The following SLC25A48 variants were observed in gnomAD, a reference collection of about 807,000 sequenced individuals.
The protein encoded by SLC25A48 is CTC-321K16.1.
Under a neutral mutation model 32.2 loss-of-function variants are expected in SLC25A48, and 29 were observed. The ratio of observed to expected loss-of-function variants is 0.90; its 90% confidence interval spans 0.67 to 1.23. The LOEUF is 1.23. Ranked by LOEUF, SLC25A48 falls within the 50% of genes most tolerant of loss-of-function variation. The probability of loss-of-function intolerance (pLI) is 0.00; values close to 1 mark genes in which losing one functional copy is unlikely to be tolerated. For missense variants in SLC25A48, 399 were observed against 422.7 expected, an observed-to-expected ratio of 0.94 and a Z score of 0.49; for synonymous variants, 164 against 172.3, an observed-to-expected ratio of 0.95 and a Z score of 0.38.
intron 3 of SLC25A48, among the ~76,000 whole-genome samples, chr5:135,665,379 G>A (rs1402849389): frequency 6.6e-6 from 1 of 151,944 alleles, no homozygotes; most frequent in Non-Finnish European, 1.5e-5. Flanking sequence ...TGGATTGTCT[G>A]TTTACTCTGA....
At chr5:135,689,289 TTA>T (rs1754090149) in intron 3 of SLC25A48, among the ~76,000 whole-genome samples, 1 of 152,200 alleles carries the variant, frequency 6.6e-6, no homozygotes, top group Non-Finnish European at 1.5e-5. Flanking sequence ...AGGCACTCTC[TTA>T]ACTGTAATCC....
intron 3 of SLC25A48, among the ~76,000 whole-genome samples, chr5:135,691,125 A>C (rs933831282): frequency 6.6e-6 from 1 of 152,254 alleles, no homozygotes; most frequent in Admixed American, 6.5e-5. Context: ...TCACACATTC[A>C]GCGCTTCTCG....
intron 1 of SLC25A48, among the ~76,000 whole-genome samples, chr5:135,618,501 C>G: frequency 6.6e-6 from 1 of 152,054 alleles, no homozygotes; most frequent in Non-Finnish European, 1.5e-5. Flanking sequence ...CTTTCTTTCT[C>G]TCTTATTGTT....
At chr5:135,636,919 C>G (rs185005587) in intron 3 of SLC25A48, among the ~76,000 whole-genome samples, 4 of 152,308 alleles carry the variant, frequency 2.6e-5, no homozygotes, top group African/African-American at 7.2e-5. Context: ...GAGGAACTCC[C>G]CAACTTCTAT....
chr5:135,757,401 C>T (rs540659064), intron 3 of SLC25A48, among the ~76,000 whole-genome samples: 4 of 148,948 alleles, frequency 2.7e-5, no homozygotes, highest in South Asian at 2.2e-4. Flanking sequence ...ATAATGTCTA[C>T]TGTTAACACA....
At chr5:135,859,258 T>C (rs1164672772) in intron 4 of SLC25A48, among the ~76,000 whole-genome samples, 2 of 151,826 alleles carry the variant, frequency 1.3e-5, no homozygotes, top group Non-Finnish European at 2.9e-5. Context: ...TGGCAGAAGG[T>C]GAAGGAGGAG....
intron 1 of SLC25A48, among the ~76,000 whole-genome samples, chr5:135,618,825 C>G (rs1177842467): frequency 6.6e-6 from 1 of 151,098 alleles, no homozygotes; most frequent in Non-Finnish European, 1.5e-5. Context: ...ATATCATTCT[C>G]TCCTGGCCTG....
intron 3 of SLC25A48, among the ~76,000 whole-genome samples, chr5:135,655,686 T>C (rs1035865789): frequency 2.0e-5 from 3 of 152,208 alleles, no homozygotes; most frequent in Non-Finnish European, 4.4e-5. Flanking sequence ...GTGTGATTCA[T>C]AAAGTTTGCA....
Position 135,631,176 on chromosome 5 carries a change from G to A in SLC25A48, c.-709+1800G>A, listed in dbSNP as rs1913767. ...TGATCAAAGGTCAGCTGGGCTGAGC[G>A]TGGGGTTCTCCAGGTAGCATTTTGG... On this transcript the variant is annotated intron_variant, in intron 2 of 10. Transcript: ENST00000646290. 4.4e-3 allele frequency among the ~76,000 whole-genome samples: 664 copies of A among 152,324 alleles called. 3 individuals carry two copies. Among genetic ancestry groups the A allele is most frequent in the African/African-American group, 0.015 (634 of 41,572 alleles).
chr5:135,843,059 G>T (rs1759134449), intron 2 of SLC25A48, among the ~76,000 whole-genome samples: 1 of 152,152 alleles, frequency 6.6e-6, no homozygotes, highest in South Asian at 2.1e-4. Context: ...TCCCCATCTT[G>T]CTCCCTGTAT....
chr5:135,692,039 C>T (rs973533309), intron 3 of SLC25A48, among the ~76,000 whole-genome samples: 5 of 152,060 alleles, frequency 3.3e-5, no homozygotes, highest in South Asian at 2.1e-4. Context: ...GTAGGCAGTC[C>T]GGGCGCGGTG....
intron 3 of SLC25A48, among the ~76,000 whole-genome samples, chr5:135,647,148 G>A (rs1752983450): frequency 6.6e-6 from 1 of 151,928 alleles, no homozygotes; most frequent in South Asian, 2.1e-4. Context: ...CAATTATACT[G>A]TACCTCAATA....
intron 3 of SLC25A48, among the ~76,000 whole-genome samples, chr5:135,794,656 A>G (rs72791352): frequency 2.8e-4 from 41 of 144,146 alleles, no homozygotes; most frequent in African/African-American, 5.0e-4. Context: ...CAGGGGGTGT[A>G]CAACCCCTGT....
rs73789297 is a variant in SLC25A48, at chr5:135,624,344, G to A, written c.-848-4893G>A. On this transcript the variant is annotated intron_variant, in intron 1 of 10. Transcript: ENST00000646290. ...CTAATGGAGAGGCAAAAATATTTTA[G>A]GTTCTATACAAACTTAGAAATGTCA... 9.2e-3 allele frequency among the ~76,000 whole-genome samples: 1,399 copies of A among 152,220 alleles called. 22 individuals carry two copies. Among genetic ancestry groups the A allele is most frequent in the African/African-American group, 0.032 (1,328 of 41,516 alleles).
intron 6 of SLC25A48, among the ~76,000 whole-genome samples, chr5:135,878,929 T>C (rs912114581): frequency 3.7e-4 from 57 of 152,322 alleles, no homozygotes; most frequent in African/African-American, 1.4e-3. Flanking sequence ...TGGGTCATGT[T>C]GTCATTGTTC....
rs1336397533 is a variant in SLC25A48 at position 135,666,081 on chromosome 5, C to G, written c.-521+31125C>G. Reference sequence around the variant, plus strand: ...ATAGCGGTCATCCTGTGCCATGAACCAGTGACAGAGGTGAACTGTCTGTAA... The same window carrying G: ...ATAGCGGTCATCCTGTGCCATGAACGAGTGACAGAGGTGAACTGTCTGTAA... On this transcript the variant is annotated intron_variant, in intron 3 of 10. Coordinates refer to the SLC25A48 transcript ENST00000646290. Among the ~76,000 whole-genome samples, 3 of 152,182 alleles carry G rather than the reference C, an allele frequency of 2.0e-5. No individual in the cohort carries two copies. The East Asian group carries it at 5.8e-4, about 29-fold the overall frequency.
At chr5:135,825,523 G>A (rs1049968141) in intron 4 of SLC25A48, among the ~76,000 whole-genome samples, 3 of 152,164 alleles carry the variant, frequency 2.0e-5, no homozygotes, top group African/African-American at 7.2e-5. Context: ...CTGGGCTGTA[G>A]AGCAGACATG....
chr5:135,614,503 T>C (rs1425987557), intron 1 of SLC25A48, among the ~76,000 whole-genome samples: 2 of 152,220 alleles, frequency 1.3e-5, no homozygotes, highest in Non-Finnish European at 2.9e-5. Flanking sequence ...CAATTCAGTA[T>C]GCTCTTAGCT....
chr5:135,765,468 C>T (rs557519631), intron 3 of SLC25A48, among the ~76,000 whole-genome samples: 9 of 151,202 alleles, frequency 6.0e-5, no homozygotes, highest in Non-Finnish European at 8.9e-5. Flanking sequence ...CGTGTACACC[C>T]CCTTGTGAAA....
Sources: gnomAD v4.1 joint callset for allele counts (sites outside exome capture counted in the v4.1 genomes callset) on GRCh38, gnomAD v4.1.1 for gene constraint, MANE v1.5 for transcripts, NCBI Gene and HGNC (gene_info 2026-07-23, HGNC 2026-07-21) for gene names.